UNK: variants seen among roughly 807,000 people sequenced by gnomAD.
UNK encodes RING finger protein unkempt homolog.
Under a neutral mutation model 97.6 loss-of-function variants are expected in UNK, and 32 were observed. The ratio of observed to expected loss-of-function variants is 0.33; its 90% CI spans 0.25 to 0.44. UNK has a LOEUF of 0.44. Ranked by LOEUF, UNK falls within the 20% of genes least tolerant of loss-of-function variation. The pLI is 1.00. For synonymous variants in UNK, 441 were observed against 461.2 expected, an observed-to-expected ratio of 0.96 and a Z score of 0.56; for missense variants, 771 against 1,098.4, an observed-to-expected ratio of 0.70 and a Z score of 4.21.
intron 1 of UNK, among the ~76,000 whole-genome samples, chr17:75,790,657 G>A (rs146563923): frequency 6.6e-6 from 1 of 151,920 alleles, no homozygotes; most frequent in African/African-American, 2.4e-5. Context: ...TTGGCTGGGC[G>A]TGGTGGCTCA....
intron 1 of UNK, chr17:75,809,095 GGGGC>G: frequency 1.3e-5 from 2 of 148,330 alleles, no homozygotes; most frequent in East Asian, 2.2e-4. Flanking sequence ...GGCGGGGGCG[GGGGC>G]GGGGGCGGGG....
rs150965999 is a variant in UNK at position 75,810,337 on chromosome 17, A to G, written c.314+368A>G. Among the ~76,000 whole-genome samples, 550 of 152,250 alleles carry G rather than the reference A, an allele frequency of 3.6e-3. 8 individuals carry two copies. In the South Asian group the frequency reaches 0.065, roughly 18 times the overall value. ...TGGTGCCCAGGTTTGCTGACCCTAA[A>G]TATCTTACTGCAAATCTCTGTAGAG... On this transcript the variant is annotated intron_variant, in intron 2 of 15. Transcript: ENST00000589666.
intron 13 of UNK, among the ~76,000 whole-genome samples, chr17:75,820,981 AC>A (rs1241603062): frequency 6.6e-6 from 1 of 151,948 alleles, no homozygotes; most frequent in African/African-American, 2.4e-5. Flanking sequence ...GTTCTCTGTT[AC>A]GTTGATTCTG....
At chr17:75,809,582 T>C (rs550165151) in intron 1 of UNK, among the ~76,000 whole-genome samples, 178 bp from the exon 2 acceptor site, 1 of 152,238 alleles carries the variant, frequency 6.6e-6, no homozygotes, top group Non-Finnish European at 1.5e-5. Flanking sequence ...GACTGGGGTG[T>C]TGGTTTGGAT....
intron 1 of UNK, among the ~76,000 whole-genome samples, chr17:75,804,668 G>A (rs932623357): frequency 4.0e-5 from 6 of 149,366 alleles, no homozygotes; most frequent in Admixed American, 1.3e-4. Flanking sequence ...GTGAAACACT[G>A]TCTCTACTAA....
chr17:75,788,182 C>CTTT (rs769976770), intron 1 of UNK, among the ~76,000 whole-genome samples: 1 of 141,852 alleles, frequency 7.0e-6, no homozygotes. Flanking sequence ...TCAATTTTTT[C>CTTT]TTTTTTTTTT....
chr17:75,787,833 A>G (rs1417133156), intron 1 of UNK, among the ~76,000 whole-genome samples: 1 of 151,612 alleles, frequency 6.6e-6, no homozygotes, highest in African/African-American at 2.4e-5. Flanking sequence ...CAAAAAAAAA[A>G]AAAAAGAGAG....
chr17:75,812,336 G>A, intron 3 of UNK, 48 bp downstream of exon 3: 1 of 1,587,208 alleles, frequency 6.3e-7, no homozygotes, highest in South Asian at 1.1e-5. Flanking sequence ...TGGGGTCCAG[G>A]GCAGGGGCCT....
chr17:75,812,046 G>A, intron 2 of UNK, 66 bp from the exon 3 acceptor site: 1 of 1,505,626 alleles, frequency 6.6e-7, no homozygotes, highest in Non-Finnish European at 9.0e-7. Context: ...GGTAAGGGCA[G>A]GGGGTAGGCA....
rs867917469 is a variant in UNK at position 75,815,264 on chromosome 17, C to T, written c.961+11C>T. 5 of 1,609,778 alleles carry T rather than the reference C, an allele frequency of 3.1e-6. No individual in the cohort carries two copies. In the African/African-American group the frequency reaches 4.0e-5, roughly 13 times the overall value. ...TTGCCCACGTAGAACGTATGCTGTT[C>T]CCATTGCCCCGGGGCAGTGCCCTCT... On this transcript the variant is annotated intron_variant, in intron 7 of 15. Transcript: ENST00000589666.
chr17:75,801,007 C>G (rs1446148267), intron 1 of UNK, among the ~76,000 whole-genome samples: 2 of 151,664 alleles, frequency 1.3e-5, no homozygotes, highest in African/African-American at 4.8e-5. Context: ...GGGTTCATAC[C>G]ATTCTCCTGC....
At chr17:75,810,633 G>T (rs1008302310) in intron 2 of UNK, among the ~76,000 whole-genome samples, 4 of 152,064 alleles carry the variant, frequency 2.6e-5, no homozygotes, top group Non-Finnish European at 5.9e-5. Flanking sequence ...AGGCTGGAGT[G>T]CAGTGGCAGC....
intron 1 of UNK, chr17:75,793,824 C>T (rs1484215815): frequency 1.0e-6 from 1 of 985,298 alleles, no homozygotes; most frequent in Non-Finnish European, 1.2e-6. Flanking sequence ...TTGGCCTATT[C>T]ACAAGTCTAC....
At chr17:75,811,100 C>T (rs1034786199) in intron 2 of UNK, among the ~76,000 whole-genome samples, 7 of 152,072 alleles carry the variant, frequency 4.6e-5, no homozygotes, top group Non-Finnish European at 8.8e-5. Context: ...CAGGCGCAGG[C>T]CACCACGCCC....
intron 1 of UNK, among the ~76,000 whole-genome samples, chr17:75,803,063 C>G (rs963420685): frequency 3.2e-5 from 2 of 63,238 alleles, no homozygotes; most frequent in South Asian, 8.7e-4. Flanking sequence ...GAGATTGAGA[C>G]CACCCTGGCC....
Position 75,822,585 on chromosome 17 carries a change from G to A in UNK, c.1946G>A (p.Arg649Gln), listed in dbSNP as rs373016008. 9.9e-6 allele frequency: 16 copies of A among 1,613,516 alleles called. No homozygotes were observed. The highest frequency in any genetic ancestry group is 6.7e-5 in the African/African-American group (5 of 75,072). ...LSGPGAAELA[R>Q]LRQELDEANS... ...GGGCCAGGGGCTGCCGAGCTGGCCC[G>A]ACTTCGGCAAGAGCTGGATGAAGCC... Residue 649 changes from arginine (R) to glutamine (Q), a missense_variant, in exon 14 of 16, where the codon CGA (arginine) becomes CAA (glutamine). By Grantham distance (43) the Arg-to-Gln change is conservative. Coordinates refer to ENST00000589666, the MANE Select transcript of UNK (RefSeq NM_001080419.3).
At chr17:75,797,260 G>A (rs1443691014) in intron 1 of UNK, among the ~76,000 whole-genome samples, 1 of 152,130 alleles carries the variant, frequency 6.6e-6, no homozygotes, top group Admixed American at 6.6e-5. Flanking sequence ...TTTTGAGATG[G>A]AGTTTCACTC....
chr17:75,813,240 C>T (rs768935655), intron 5 of UNK, 27 bp downstream of exon 5: 15 of 1,557,828 alleles, frequency 9.6e-6, no homozygotes, highest in South Asian at 4.7e-5. Flanking sequence ...AGGCCAGCCA[C>T]GGGAGGGAGG....
At chr17:75,787,668 A>G (rs2061725314) in intron 1 of UNK, among the ~76,000 whole-genome samples, 1 of 151,980 alleles carries the variant, frequency 6.6e-6, no homozygotes, top group Non-Finnish European at 1.5e-5. Flanking sequence ...TACTAAAAAT[A>G]CAAAAAATTA....
Sources: allele counts gnomAD v4.1 joint callset (sites outside exome capture counted in the v4.1 genomes callset), GRCh38; gene constraint gnomAD v4.1.1; transcripts MANE v1.5; gene names NCBI Gene and HGNC (gene_info 2026-07-23, HGNC 2026-07-21).